The following PRDM1 variants were observed in gnomAD, a reference collection of about 807,000 sequenced individuals.
The protein encoded by PRDM1 is PR domain zinc finger protein 1.
In PRDM1, 13 loss-of-function variants were observed where a neutral mutation model predicts 62.8. The ratio of observed to expected loss-of-function variants is 0.21; its 90% CI spans 0.13 to 0.33. PRDM1 has a LOEUF of 0.33. PRDM1 is among the 10% of genes least tolerant of loss of function. The probability of loss-of-function intolerance (pLI) is 1.00; values close to 1 mark genes in which losing one functional copy is unlikely to be tolerated. For missense variants in PRDM1, 895 were observed against 1,058.8 expected, an observed-to-expected ratio of 0.85 and a Z score of 2.15; for synonymous variants, 396 against 417.6, an observed-to-expected ratio of 0.95 and a Z score of 0.63.
At chr6:106,064,236 G>C (rs149182877) in intron 1 of PRDM1, among the ~76,000 whole-genome samples, 24 of 152,330 alleles carry the variant, frequency 1.6e-4, no homozygotes, top group African/African-American at 4.6e-4. Context: ...CTGTCATTCA[G>C]ATAAGGCCCA....
intron 1 of PRDM1, among the ~76,000 whole-genome samples, chr6:106,070,782 A>C (rs1279436151): frequency 6.6e-6 from 1 of 152,228 alleles, no homozygotes; most frequent in African/African-American, 2.4e-5. Flanking sequence ...ACCCTATGGC[A>C]TAGTGCTTCT....
intron 1 of PRDM1, among the ~76,000 whole-genome samples, chr6:106,064,260 T>C (rs1773391690): frequency 6.6e-6 from 1 of 152,220 alleles, no homozygotes; most frequent in Non-Finnish European, 1.5e-5. Flanking sequence ...GCAGTTAGCC[T>C]CGATGTCTAT....
chr6:106,014,210 C>G (rs1416826448), intron 1 of PRDM1, among the ~76,000 whole-genome samples: 1 of 151,878 alleles, frequency 6.6e-6, no homozygotes, highest in African/African-American at 2.4e-5. Flanking sequence ...CAGGCATGCA[C>G]CACCATGCCT....
rs114638053 is a variant in PRDM1, at chr6:105,998,533, A to C, written c.-67+4894A>C. 9.9e-4 allele frequency among the ~76,000 whole-genome samples: 151 copies of C among 152,358 alleles called. 1 individual carries two copies. The highest frequency in any genetic ancestry group is 5.6e-3 in the South Asian group (27 of 4,832). On this transcript the variant is annotated intron_variant, in intron 1 of 6. Transcript: ENST00000652320. ...GGAAGTTTATACTGTAAATAAACCCATAAGTCAAATGAATATACTTGGTTT... is the reference window on the plus strand; with the variant it reads ...GGAAGTTTATACTGTAAATAAACCCCTAAGTCAAATGAATATACTTGGTTT...
chr6:106,072,585 C>G (rs913721660), intron 1 of PRDM1, among the ~76,000 whole-genome samples: 1 of 152,212 alleles, frequency 6.6e-6, no homozygotes, highest in Non-Finnish European at 1.5e-5. Flanking sequence ...TAACCCAGTC[C>G]TAATAAAACT....
chr6:105,995,975 T>C (rs1421472065), intron 1 of PRDM1, among the ~76,000 whole-genome samples: 1 of 152,228 alleles, frequency 6.6e-6, no homozygotes, highest in Non-Finnish European at 1.5e-5. Flanking sequence ...TGGAAAAGCC[T>C]TAAGTAGGAT....
chr6:106,017,233 C>T (rs1687790891), intron 1 of PRDM1, among the ~76,000 whole-genome samples: 1 of 152,212 alleles, frequency 6.6e-6, no homozygotes, highest in Non-Finnish European at 1.5e-5. Context: ...CCCCAACCCC[C>T]TCATTGCTCA....
chr6:106,068,464 A>G (rs552800565), intron 1 of PRDM1, among the ~76,000 whole-genome samples: 15 of 152,290 alleles, frequency 9.8e-5, no homozygotes, highest in African/African-American at 3.6e-4. Flanking sequence ...TCTGTGTGCA[A>G]TATGTATATT....
chr6:105,994,373 A>T lies in PRDM1; in HGVS notation c.-67+734A>T, dbSNP rs1382577507. ...TGCATTCGCCTAAATTGCGTAATTA[A>T]AAAAAAAAAATACACCACTGCCACC... is the stretch of plus-strand genomic sequence containing the variant. On this transcript the variant is annotated intron_variant, in intron 1 of 6. Transcript: ENST00000652320. The surrounding 1 kb of genome is among the most constrained non-coding windows in gnomAD (Gnocchi z 4.1). Among the ~76,000 whole-genome samples the T allele has an allele frequency of 4.9e-3, 19 of 3,884 alleles. No homozygotes were observed. The highest frequency in any genetic ancestry group is 0.04 in the Admixed American group (15 of 372). The allele number at this position is 3,884 out of a possible 152,430, so 2.5% of individuals were successfully genotyped here.
At position 106,098,874 on chromosome 6, in the gene PRDM1, T is replaced by C. The variant is rs1426203105; in HGVS notation, c.412-426T>C. ...AAAGCTAAGACTCAGTTTGACGTCG[T>C]CAGCCGGCTTGGTCTTCTACCCAGT... On this transcript the variant is annotated intron_variant, in intron 3 of 6. Transcript: ENST00000369096. The C allele has an allele frequency of 1.4e-5, 21 of 1,513,518 alleles. No individual in the cohort carries two copies. In the East Asian group the frequency reaches 5.2e-4, roughly 37 times the overall value. 93.8% of individuals were successfully genotyped at this position (1,513,518 alleles called of 1,614,324 possible). A position where few individuals can be genotyped will look rare whatever the true frequency, so the allele number is the denominator to read the frequency against.
chr6:106,038,758 G>C (rs1199760963), intron 1 of PRDM1, among the ~76,000 whole-genome samples: 1 of 152,202 alleles, frequency 6.6e-6, no homozygotes, highest in East Asian at 1.9e-4. Context: ...GCTGAGAGGT[G>C]GGGAATGGGT....
chr6:106,013,139 C>T (rs980774545), intron 1 of PRDM1, among the ~76,000 whole-genome samples: 2 of 151,944 alleles, frequency 1.3e-5, no homozygotes, highest in African/African-American at 4.8e-5. Flanking sequence ...CCTCCTCAGC[C>T]TCCCAAAGTG....
intron 1 of PRDM1, among the ~76,000 whole-genome samples, chr6:106,019,588 A>C (rs1434205206): frequency 2.0e-5 from 3 of 151,558 alleles, no homozygotes; most frequent in African/African-American, 7.3e-5. Flanking sequence ...CCTAATTAAT[A>C]AGTGATGCAC....
chr6:106,077,813 T>C (rs1452520660), intron 1 of PRDM1, among the ~76,000 whole-genome samples: 1 of 152,208 alleles, frequency 6.6e-6, no homozygotes, highest in African/African-American at 2.4e-5. Context: ...TAGTTGTTAA[T>C]GAAACAGAGG....
At chr6:106,098,733 A>T in intron 3 of PRDM1, 4 of 1,418,260 alleles carry the variant, frequency 2.8e-6, no homozygotes, top group Non-Finnish European at 3.8e-6. Flanking sequence ...CAAGGTTCCA[A>T]GTATTCATAT....
At chr6:106,016,620 C>T (rs1298295757) in intron 1 of PRDM1, among the ~76,000 whole-genome samples, 1 of 149,204 alleles carries the variant, frequency 6.7e-6, no homozygotes, top group Non-Finnish European at 1.5e-5. Context: ...TTTGAGGGTC[C>T]ATTTATGCAC....
At chr6:106,091,507 C>T (rs1165483956) in intron 2 of PRDM1, among the ~76,000 whole-genome samples, 1 of 152,052 alleles carries the variant, frequency 6.6e-6, no homozygotes, top group African/African-American at 2.4e-5. Context: ...TTGCCGGGCG[C>T]GGTGGCTCAC....
chr6:106,082,839 T>C (rs1176330840), upstream of PRDM1, among the ~76,000 whole-genome samples: 2 of 152,196 alleles, frequency 1.3e-5, no homozygotes, highest in East Asian at 3.8e-4. Flanking sequence ...AGAAGGAAGC[T>C]TGTGCTATTT....
At position 106,104,779 on chromosome 6, in the gene PRDM1, GTT is replaced by G. The variant is rs775979295; in HGVS notation, c.665-45_665-44del. 3 of 1,544,308 alleles carry G rather than the reference GTT, an allele frequency of 1.9e-6. No homozygotes were observed. The African/African-American group carries it at 4.2e-5, about 21-fold the overall frequency. ...GAGCAACTTTGGCAGTTTTGCTTCA[GTT>G]CTCTCTAGCCCTCTGTGTAATCGCC... On this transcript the variant is annotated intron_variant, in intron 4 of 6. Coordinates refer to ENST00000369096, the MANE Select transcript of PRDM1 (RefSeq NM_001198.4).
Sources: gnomAD v4.1 joint callset for allele counts (sites outside exome capture counted in the v4.1 genomes callset) on GRCh38, gnomAD v4.1.1 for gene constraint, Gnocchi (gnomAD v3.1) non-coding constraint, MANE v1.5 for transcripts, NCBI Gene and HGNC (gene_info 2026-07-23, HGNC 2026-07-21) for gene names.